The following RESF1 variants were observed in gnomAD, a reference collection of about 807,000 sequenced individuals.
The protein encoded by RESF1 is gonad expressed transcript.
In RESF1, 65 loss-of-function variants were observed where a neutral mutation model predicts 134.7. The observed-to-expected ratio is 0.48, with a 90% confidence interval of 0.40 to 0.59. The LOEUF (loss-of-function observed/expected upper bound fraction) is 0.59, where lower values mean the gene tolerates loss of function less well. Among genes scored for constraint, RESF1 ranks in the 20% least tolerant of loss-of-function variants. The pLI, the probability that RESF1 is intolerant of heterozygous loss-of-function variation, is 0.00. For synonymous variants in RESF1, 762 were observed against 702.2 expected (o/e 1.09, Z -1.35); for missense variants, 2,274 against 2,002.7 (o/e 1.14, Z -2.59).
intron 5 of RESF1, among the ~76,000 whole-genome samples, chr12:31,991,876 A>G (rs1365849957): frequency 1.3e-5 from 2 of 152,344 alleles, no homozygotes; most frequent in African/African-American, 2.4e-5. Flanking sequence ...GTGATGGGTC[A>G]TTATGAAAAA....
At chr12:31,966,067 A>T (rs1192072382) in intron 2 of RESF1, among the ~76,000 whole-genome samples, 1 of 152,136 alleles carries the variant, frequency 6.6e-6, no homozygotes, top group Non-Finnish European at 1.5e-5. Context: ...CGGTGTGTCC[A>T]ATCTTTTGGC....
chr12:31,990,550 C>G (rs961676868), intron 5 of RESF1, among the ~76,000 whole-genome samples: 1 of 152,182 alleles, frequency 6.6e-6, no homozygotes, highest in Middle Eastern at 3.4e-3. Context: ...TGGGTTCAAG[C>G]GATTCTCCTG....
intron 5 of RESF1, among the ~76,000 whole-genome samples, chr12:31,989,581 G>T (rs943463915): frequency 6.6e-6 from 1 of 151,968 alleles, no homozygotes; most frequent in Non-Finnish European, 1.5e-5. Context: ...GCCGGGCGAG[G>T]TGGCTCACGC....
rs529145360 is a variant in RESF1 at position 31,984,329 on chromosome 12, C to A, written c.3374C>A (p.Pro1125His). 64 of 1,613,834 alleles carry A rather than the reference C, an allele frequency of 4.0e-5. No homozygotes were observed. Among genetic ancestry groups the A allele is most frequent in the Non-Finnish European group, 5.3e-5 (63 of 1,179,996 alleles). The change falls in exon 4 of 6, where the codon CCC (proline) becomes CAC (histidine). Residue 1125 changes from proline to histidine, a missense_variant. By Grantham distance (77) the Pro-to-His change is moderately conservative. Transcript: ENST00000312561. ...KEIFPEQDDQPYVVDKLAEPQ... is the reference protein window; with the variant it reads ...KEIFPEQDDQHYVVDKLAEPQ... ...ATATTTCCTGAACAGGATGATCAAC[C>A]CTATGTAGTAGACAAGTTGGCAGAA...
chr12:31,983,984 C>G lies in RESF1; in HGVS notation c.3029C>G (p.Thr1010Arg). Reference sequence around the variant, plus strand: ...ACTGAAAAAAGCACAGCTAACGATACGTGCTCGTCAGCTGCTATTCAGGAG... The same window carrying G: ...ACTGAAAAAAGCACAGCTAACGATAGGTGCTCGTCAGCTGCTATTCAGGAG... The part of the protein sequence containing the change: ...HATEKSTAND[T>R]CSSAAIQEDI... The change falls in exon 4 of 6, where the codon ACG (threonine) becomes AGG (arginine). Residue 1010 changes from threonine (T) to arginine (R), a missense_variant. By Grantham distance (71) the Thr-to-Arg change is moderately conservative (BLOSUM62 -1). Coordinates refer to ENST00000312561, the MANE Select transcript of RESF1 (RefSeq NM_018169.4). The G allele has an allele frequency of 1.2e-6, 2 of 1,613,628 alleles. No homozygotes were observed. Among genetic ancestry groups the G allele is most frequent in the Admixed American group, 1.7e-5 (1 of 59,922 alleles).
intron 2 of RESF1, among the ~76,000 whole-genome samples, chr12:31,962,986 C>T (rs1243671573): frequency 6.6e-6 from 1 of 152,178 alleles, no homozygotes; most frequent in Non-Finnish European, 1.5e-5. Context: ...GAAATCCCGG[C>T]TATCCGGGAG....
intron 2 of RESF1, among the ~76,000 whole-genome samples, chr12:31,964,268 T>TG (rs1262947888): frequency 4.6e-5 from 7 of 151,648 alleles, no homozygotes; most frequent in Non-Finnish European, 8.8e-5. Flanking sequence ...AATTAGTTGT[T>TG]TTTTTTTCAA....
rs373728639 is a variant in RESF1 at position 31,962,289 on chromosome 12, C to T, written c.-247+1418C>T. 1.6e-4 allele frequency among the ~76,000 whole-genome samples: 24 copies of T among 151,852 alleles called. No homozygotes were observed. The East Asian group carries it at 4.6e-3, about 29-fold the overall frequency. ...ATCTAATCAGGCCTCCCTCCCTCCC[C>T]CATTAGAGGCACACTCTATTATGTA... is the stretch of plus-strand genomic sequence containing the variant. On this transcript the variant is annotated intron_variant, in intron 2 of 5. Transcript: ENST00000312561.
chr12:31,964,658 T>A (rs553158036), intron 2 of RESF1, among the ~76,000 whole-genome samples: 35 of 152,362 alleles, frequency 2.3e-4, no homozygotes, highest in African/African-American at 6.0e-4. Context: ...GCCATAGAAG[T>A]GAGCCTGAAG....
chr12:31,982,987 T>G lies in RESF1; in HGVS notation c.2032T>G (p.Ser678Ala). 1 of 1,614,126 alleles carries G rather than the reference T, an allele frequency of 6.2e-7. No homozygotes were observed. Among genetic ancestry groups the G allele is most frequent in the Non-Finnish European group, 8.5e-7 (1 of 1,180,024 alleles). Residue 678 changes from serine (S) to alanine (A), a missense_variant, in exon 4 of 6, where the codon TCC becomes GCC. Physicochemically the swap from Ser to Ala is moderately conservative, Grantham distance 99. Transcript: ENST00000312561. ...CSMEVLATCL[S>A]LWKKQPSDTA... ...CATGGAAGTGCTAGCAACCTGTCTT[T>G]CCCTGTGGAAAAAGCAACCTTCAGA...
chr12:31,962,202 A>G (rs1939286290), intron 2 of RESF1, among the ~76,000 whole-genome samples: 3 of 149,296 alleles, frequency 2.0e-5, no homozygotes, highest in South Asian at 2.1e-4. Context: ...TGGGTAACAG[A>G]GCAAGATTCT....
At chr12:31,992,334 C>CT (rs771333197) in intron 5 of RESF1, 44 bp from the exon 6 acceptor site, 2 of 1,495,116 alleles carry the variant, frequency 1.3e-6, no homozygotes, top group East Asian at 4.5e-5. Flanking sequence ...TTGATCACAG[C>CT]TAACATTGAG....
At position 31,987,239 on chromosome 12, in the gene RESF1, T is replaced by G. The variant is rs755212234; in HGVS notation, c.5003T>G (p.Val1668Gly). The G allele has an allele frequency of 6.7e-7, 1 of 1,493,966 alleles. No homozygotes were observed. Among genetic ancestry groups the G allele is most frequent in the Non-Finnish European group, 9.3e-7 (1 of 1,072,776 alleles). 92.5% of individuals were successfully genotyped at this position (1,493,966 alleles called of 1,614,324 possible). ...GTTCTGAAAATGAATATTTAAATAG[T>G]TTCAGGAATAAAAAGTACAAAAGAA... Reference protein sequence around the residue: ...HPRKEQAPLQVSGIKSTKEDW... With the variant: ...HPRKEQAPLQGSGIKSTKEDW... Residue 1668 changes from valine to glycine, a missense_variant and splice_region_variant, in exon 5 of 6, where the codon GTT becomes GGT. Transcript: ENST00000312561.
chr12:31,973,561 TCA>T (rs1232164084), intron 3 of RESF1, among the ~76,000 whole-genome samples: 1 of 152,146 alleles, frequency 6.6e-6, no homozygotes, highest in Non-Finnish European at 1.5e-5. Context: ...TATTTTCCTT[TCA>T]CAGTCTATTT....
At position 31,983,326 on chromosome 12, in the gene RESF1, G is replaced by A. The variant is rs763753313; in HGVS notation, c.2371G>A (p.Val791Ile). 5.0e-6 allele frequency: 8 copies of A among 1,613,970 alleles called. No individual in the cohort carries two copies. The highest frequency in any genetic ancestry group is 4.4e-5 in the South Asian group (4 of 91,086). ...AGTGTTACCTGAAACAGTGTATCCC[G>A]TTATTAAAGAAGGCAGTGTTTGTAG... ...PAVLPETVYP[V>I]IKEGSVCSLQ... is the part of the protein sequence containing the mutation. Residue 791 changes from valine to isoleucine, a missense_variant, in exon 4 of 6, where the codon GTT becomes ATT. Transcript: ENST00000312561.
In RESF1 at chr12:31,981,640, TC is replaced by T; in HGVS notation, c.686del (p.Ser229LeufsTer22). The T allele has an allele frequency of 6.2e-7, 1 of 1,614,050 alleles. No individual in the cohort carries two copies. Among genetic ancestry groups the T allele is most frequent in the East Asian group, 2.2e-5 (1 of 44,890 alleles). On this transcript the variant is annotated frameshift_variant, in exon 4 of 6. Coordinates refer to ENST00000312561, the MANE Select transcript of RESF1 (RefSeq NM_018169.4). LOFTEE classifies it high-confidence loss of function. ...RYSPQSFLPD[S>X]TIQKQNFIPH... is the part of the protein sequence containing the mutation. ...CTCACCACAAAGCTTTTTACCAGATTCTACCATTCAAAAACAAAACTTTATA... is the reference window on the plus strand; with the variant it reads ...CTCACCACAAAGCTTTTTACCAGATTTACCATTCAAAAACAAAACTTTATA...
chr12:31,983,279 C>T lies in RESF1; in HGVS notation c.2324C>T (p.Ser775Phe), dbSNP rs1171207540. 2 of 1,613,322 alleles carry T rather than the reference C, an allele frequency of 1.2e-6. No individual in the cohort carries two copies. The highest frequency in any genetic ancestry group is 1.7e-6 in the Non-Finnish European group (2 of 1,179,588). Residue 775 changes from serine to phenylalanine, a missense_variant, in exon 4 of 6, where the codon TCT becomes TTT. Ser to Phe is a radical substitution (Grantham distance 155). Coordinates refer to ENST00000312561, the MANE Select transcript of RESF1 (RefSeq NM_018169.4). ...PLVLSEVKTL[S>F]VKGITPAVLP... ...GTTCTGTCAGAGGTCAAAACATTGT[C>T]TGTCAAAGGAATAACACCTGCAGTG... is the stretch of plus-strand genomic sequence containing the variant.
intron 2 of RESF1, among the ~76,000 whole-genome samples, chr12:31,965,988 G>A (rs1939390724): frequency 1.3e-5 from 2 of 151,900 alleles, no homozygotes; most frequent in Admixed American, 1.3e-4. Flanking sequence ...ACACACTGAT[G>A]TGTCATGTAT....
intron 1 of RESF1, 58 bp downstream of exon 1, chr12:31,959,549 G>C (rs1321905330): frequency 6.6e-6 from 1 of 152,372 alleles, no homozygotes; most frequent in Non-Finnish European, 1.5e-5. Context: ...GGGCGGGGCG[G>C]GGGCCGGGAG....
Sources: allele counts gnomAD v4.1 joint callset (sites outside exome capture counted in the v4.1 genomes callset), GRCh38; gene constraint gnomAD v4.1.1; transcripts MANE v1.5; gene names NCBI Gene and HGNC (gene_info 2026-07-23, HGNC 2026-07-21).